The following NCR1 variants were observed in gnomAD, a reference collection of about 807,000 sequenced individuals.
The protein encoded by NCR1 is natural cytotoxicity triggering receptor 1, also known as NK cell-activating receptor.
NCR1 carries 30 observed loss-of-function variants against 32.5 expected under a neutral mutation model. The ratio of observed to expected loss-of-function variants is 0.92; its 90% CI spans 0.69 to 1.25. The LOEUF (loss-of-function observed/expected upper bound fraction) is 1.25. Ranked by LOEUF, NCR1 falls within the 50% of genes most tolerant of loss-of-function variation. The pLI, the probability that NCR1 is intolerant of heterozygous loss-of-function variation, is 0.00. For synonymous variants in NCR1, 169 were observed against 143.4 expected (o/e 1.18, Z -1.28); for missense variants, 369 against 380.7 (o/e 0.97, Z 0.26).
At chr19:54,934,634 C>T in the NCR1 span, 1 of 1,613,818 alleles carries the variant, frequency 6.2e-7, no homozygotes. The surrounding 1 kb of genome is among the most constrained non-coding windows in gnomAD (Gnocchi z 6.7). Context: ...GCCCACTGCT[C>T]CGGGGTGGCA....
the NCR1 span, among the ~76,000 whole-genome samples, chr19:54,898,603 G>A: frequency 6.6e-6 from 1 of 152,144 alleles, no homozygotes; most frequent in African/African-American, 2.4e-5. Context: ...ATTTAATGTT[G>A]GGAGCAGATT....
chr19:54,932,165 T>C, the NCR1 span, among the ~76,000 whole-genome samples: 1 of 152,108 alleles, frequency 6.6e-6, no homozygotes, highest in African/African-American at 2.4e-5. Flanking sequence ...CAGTGGCTCA[T>C]GCCTGGAACG....
At chr19:54,926,675 G>C in the NCR1 span, among the ~76,000 whole-genome samples, 83,521 of 151,660 alleles carry the variant, frequency 0.55, 23,211 homozygotes, top group East Asian at 0.72. Flanking sequence ...CAGCACTTTG[G>C]GAGGCCAAGG....
rs755217346 is a variant in NCR1 at position 54,912,217 on chromosome 19, A to T, written c.732A>T (p.Lys244Asn). 1 of 1,613,784 alleles carries T rather than the reference A, an allele frequency of 6.2e-7. No homozygotes were observed. The highest frequency in any genetic ancestry group is 1.7e-5 in the Admixed American group (1 of 59,990). Residue 244 changes from lysine to asparagine, a missense_variant and splice_region_variant, in exon 6 of 7, where the codon AAA becomes AAT. Physicochemically the swap from Lys to Asn is moderately conservative, Grantham distance 94 (BLOSUM62 0). Coordinates refer to ENST00000291890, the MANE Select transcript of NCR1 (RefSeq NM_004829.7). ...TAACCACAGAGACGGGACTCCAGAA[A>T]GGTAAGTAGACAGCTGGGGCCATAG... ...YLLTTETGLQKDHALWDHTAQ... is the reference protein window; with the variant it reads ...YLLTTETGLQNDHALWDHTAQ...
intron 3 of NCR1, among the ~76,000 whole-genome samples, chr19:54,908,682 C>T (rs2067775469): frequency 6.8e-6 from 1 of 147,840 alleles, no homozygotes; most frequent in African/African-American, 2.5e-5. Context: ...GACAGTCTCG[C>T]TGCAGTGCAG....
At chr19:54,929,422 G>C in the NCR1 span, among the ~76,000 whole-genome samples, 1 of 152,124 alleles carries the variant, frequency 6.6e-6, no homozygotes, top group Admixed American at 6.6e-5. Context: ...CTACAGCAAA[G>C]CTAAGTAGTA....
At chr19:54,933,840 C>T in the NCR1 span, 1 of 1,003,994 alleles carries the variant, frequency 1.0e-6, no homozygotes, top group Non-Finnish European at 1.6e-6. Context: ...TTCAGCCCTT[C>T]CTGTTCATCC....
rs1326866209 is a variant in NCR1, at chr19:54,906,747, A to G, written c.295A>G (p.Ile99Val). The G allele has an allele frequency of 1.3e-5, 21 of 1,614,098 alleles. No homozygotes were observed. Among genetic ancestry groups the G allele is most frequent in the Admixed American group, 1.7e-5 (1 of 60,008 alleles). Residue 99 changes from isoleucine (I) to valine (V), a missense_variant, in exon 3 of 7, where the codon ATC becomes GTC. Transcript: ENST00000291890. ...NSRMAGQYSC[I>V]YRVGELWSEP... ...CCGCATGGCAGGGCAATACAGCTGC[A>G]TCTATCGGGTTGGGGAGCTCTGGTC...
At chr19:54,900,006 T>C in the NCR1 span, among the ~76,000 whole-genome samples, 1 of 151,576 alleles carries the variant, frequency 6.6e-6, no homozygotes, top group African/African-American at 2.4e-5. Flanking sequence ...GTGAGAGAGG[T>C]TGGAGAAGAG....
At chr19:54,908,771 A>T (rs2067781084) in intron 3 of NCR1, among the ~76,000 whole-genome samples, 1 of 151,184 alleles carries the variant, frequency 6.6e-6, no homozygotes, top group Non-Finnish European at 1.5e-5. Context: ...TTGAGATTAC[A>T]GGCATGTGCC....
intron 3 of NCR1, among the ~76,000 whole-genome samples, chr19:54,908,434 C>T (rs778987087): frequency 4.6e-5 from 7 of 152,278 alleles, no homozygotes; most frequent in East Asian, 1.9e-4. Flanking sequence ...CTTTTCCCCA[C>T]ATTTCCCCTT....
At chr19:54,901,123 G>GAAAA in the NCR1 span, among the ~76,000 whole-genome samples, 64 of 101,564 alleles carry the variant, frequency 6.3e-4, 3 homozygotes, top group African/African-American at 1.8e-3. Context: ...TCTCTACTTT[G>GAAAA]AAAAAAAAAA....
upstream of NCR1, among the ~76,000 whole-genome samples, chr19:54,903,390 ATATATG>A (rs1383517428): frequency 0.012 from 1,627 of 136,796 alleles, 15 homozygotes; most frequent in Non-Finnish European, 0.017. Context: ...ATGTATATAC[ATATATG>A]TATATGTATG....
At chr19:54,907,957 G>A (rs1236826752) in intron 3 of NCR1, among the ~76,000 whole-genome samples, 3 of 151,982 alleles carry the variant, frequency 2.0e-5, no homozygotes, top group Admixed American at 1.3e-4. Context: ...GGTTCTGGCA[G>A]GGGAACACAG....
chr19:54,929,689 G>T, the NCR1 span, among the ~76,000 whole-genome samples: 2 of 152,112 alleles, frequency 1.3e-5, no homozygotes. Flanking sequence ...GTCACTGGGG[G>T]CCATTGTTAT....
chr19:54,918,427 C>A (rs1382828153), downstream of NCR1, among the ~76,000 whole-genome samples: 1 of 152,046 alleles, frequency 6.6e-6, no homozygotes, highest in Non-Finnish European at 1.5e-5. Context: ...CACTACCATG[C>A]CTGGCTAATT....
the NCR1 span, among the ~76,000 whole-genome samples, chr19:54,925,180 G>C: frequency 6.6e-6 from 1 of 152,028 alleles, no homozygotes; most frequent in South Asian, 2.1e-4. Context: ...GAGGAACTGA[G>C]GAATGAGAAA....
At chr19:54,927,390 A>T in the NCR1 span, among the ~76,000 whole-genome samples, 2 of 151,740 alleles carry the variant, frequency 1.3e-5, no homozygotes, top group African/African-American at 4.8e-5. Context: ...TCAAAAAAAA[A>T]AAAAGAAAAA....
the NCR1 span, among the ~76,000 whole-genome samples, chr19:54,929,029 A>G: frequency 6.6e-6 from 1 of 152,146 alleles, no homozygotes; most frequent in African/African-American, 2.4e-5. Context: ...TAAAGGTATC[A>G]CGGTCTGGCT....
Sources: allele counts gnomAD v4.1 joint callset (sites outside exome capture counted in the v4.1 genomes callset), GRCh38; gene constraint gnomAD v4.1.1; non-coding constraint Gnocchi (gnomAD v3.1); transcripts MANE v1.5; gene names NCBI Gene and HGNC (gene_info 2026-07-23, HGNC 2026-07-21).